MAF: variants seen among roughly 807,000 people sequenced by gnomAD.
MAF encodes the protein MAF bZIP transcription factor, also known as transcription factor Maf.
Under a neutral mutation model 22.0 loss-of-function variants are expected in MAF, and 10 were observed. The ratio of observed to expected loss-of-function variants is 0.45; its 90% CI spans 0.28 to 0.77. The LOEUF (loss-of-function observed/expected upper bound fraction) is 0.77, where lower values mean the gene tolerates loss of function less well. Among genes scored for constraint, MAF ranks in the 30% least tolerant of loss-of-function variants. The pLI, the probability that MAF is intolerant of heterozygous loss-of-function variation, is 0.12. For missense variants in MAF, 544 were observed against 548.4 expected (o/e 0.99, Z 0.08); for synonymous variants, 337 against 255.8 (o/e 1.32, Z -3.03).
chr16:79,421,204 G>A, the MAF span, among the ~76,000 whole-genome samples: 1 of 152,120 alleles, frequency 6.6e-6, no homozygotes, highest in African/African-American at 2.4e-5. Flanking sequence ...GTTTGTTATT[G>A]TCCGCAGTTT....
At chr16:79,542,391 G>A in the MAF span, among the ~76,000 whole-genome samples, 3 of 152,152 alleles carry the variant, frequency 2.0e-5, no homozygotes, top group African/African-American at 2.4e-5. Flanking sequence ...AGTGCCTGTT[G>A]GATTAGATAG....
At chr16:79,323,285 G>A in the MAF span, among the ~76,000 whole-genome samples, 1 of 151,574 alleles carries the variant, frequency 6.6e-6, no homozygotes, top group African/African-American at 2.4e-5. Flanking sequence ...AGGCTGCAGG[G>A]AGCCCAGTTA....
chr16:79,370,183 G>T, the MAF span, among the ~76,000 whole-genome samples: 1 of 152,194 alleles, frequency 6.6e-6, no homozygotes, highest in African/African-American at 2.4e-5. Context: ...AAAAGGAGTA[G>T]TCTTAATAAT....
chr16:79,471,347 A>G, the MAF span, among the ~76,000 whole-genome samples: 2 of 152,166 alleles, frequency 1.3e-5, no homozygotes, highest in African/African-American at 4.8e-5. Context: ...ATTTTTTCAC[A>G]CTTTCCAGAT....
At chr16:79,592,131 C>G (rs758076133), downstream of MAF, among the ~76,000 whole-genome samples, 8 of 152,212 alleles carry the variant, frequency 5.3e-5, no homozygotes, top group Non-Finnish European at 8.8e-5. Context: ...TTTCTCACCT[C>G]CTACAAATGG....
At chr16:79,525,765 A>G in the MAF span, among the ~76,000 whole-genome samples, 1 of 152,192 alleles carries the variant, frequency 6.6e-6, no homozygotes, top group Non-Finnish European at 1.5e-5. Flanking sequence ...AGGAAAATTT[A>G]ACGTATTTCT....
At chr16:79,353,791 C>T in the MAF span, among the ~76,000 whole-genome samples, 3 of 152,116 alleles carry the variant, frequency 2.0e-5, 1 homozygote, top group Admixed American at 2.0e-4. Context: ...TCCTCACTCC[C>T]TGAAGGAAAA....
the MAF span, among the ~76,000 whole-genome samples, chr16:79,515,033 A>C: frequency 6.6e-6 from 1 of 152,198 alleles, no homozygotes; most frequent in Non-Finnish European, 1.5e-5. Flanking sequence ...CAAAGACTTC[A>C]TCTCTTCAAA....
the MAF span, among the ~76,000 whole-genome samples, chr16:79,382,480 G>A: frequency 2.6e-4 from 40 of 152,160 alleles, no homozygotes; most frequent in Admixed American, 2.0e-4. Flanking sequence ...CTGCAACTGA[G>A]GAACTAAATT....
chr16:79,551,889 C>T, the MAF span, among the ~76,000 whole-genome samples: 2 of 152,012 alleles, frequency 1.3e-5, no homozygotes, highest in African/African-American at 4.8e-5. Flanking sequence ...CTCTCTGGCC[C>T]TCTATGGAAA....
the MAF span, among the ~76,000 whole-genome samples, chr16:79,427,351 G>C: frequency 6.6e-6 from 1 of 152,206 alleles, no homozygotes; most frequent in Non-Finnish European, 1.5e-5. Context: ...ATCCTGGGGT[G>C]CCCCAAACAT....
At chr16:79,309,660 A>G in the MAF span, among the ~76,000 whole-genome samples, 4,645 of 152,296 alleles carry the variant, frequency 0.03, 253 homozygotes, top group African/African-American at 0.11. Context: ...GTCCCCATCC[A>G]CAGAGGGAAC....
At chr16:79,332,820 C>T in the MAF span, among the ~76,000 whole-genome samples, 1 of 152,210 alleles carries the variant, frequency 6.6e-6, no homozygotes, top group African/African-American at 2.4e-5. Context: ...AAGCCTGTCT[C>T]CAAAGCCAGC....
At chr16:79,381,739 C>A in the MAF span, among the ~76,000 whole-genome samples, 1 of 152,172 alleles carries the variant, frequency 6.6e-6, no homozygotes, top group African/African-American at 2.4e-5. Flanking sequence ...TATTTCTCAA[C>A]AGCTTGGAAG....
At chr16:79,563,417 T>C in the MAF span, among the ~76,000 whole-genome samples, 2 of 152,160 alleles carry the variant, frequency 1.3e-5, no homozygotes, top group Admixed American at 6.5e-5. Context: ...TACATCTTTA[T>C]TGTTGTGGTC....
chr16:79,418,993 T>C, the MAF span, among the ~76,000 whole-genome samples: 1 of 152,244 alleles, frequency 6.6e-6, no homozygotes, highest in Admixed American at 6.5e-5. Context: ...GGAGCTATTT[T>C]GTGGTATGTT....
At chr16:79,334,543 G>C in the MAF span, among the ~76,000 whole-genome samples, 3 of 152,110 alleles carry the variant, frequency 2.0e-5, no homozygotes, top group Non-Finnish European at 2.9e-5. Flanking sequence ...TTGATCTTAG[G>C]ATTGTATGAT....
At chr16:79,503,586 G>T in the MAF span, among the ~76,000 whole-genome samples, 1 of 152,104 alleles carries the variant, frequency 6.6e-6, no homozygotes, top group South Asian at 2.1e-4. Context: ...ATTTCATTGT[G>T]GCTGGATTCT....
chr16:79,498,330 G>T, the MAF span, among the ~76,000 whole-genome samples: 1 of 152,158 alleles, frequency 6.6e-6, no homozygotes, highest in Non-Finnish European at 1.5e-5. Flanking sequence ...GAGTGGGTAT[G>T]GCTGGTTCCA....
Sources: allele counts gnomAD v4.1 joint callset (sites outside exome capture counted in the v4.1 genomes callset), GRCh38; gene constraint gnomAD v4.1.1; transcripts MANE v1.5; gene names NCBI Gene and HGNC (gene_info 2026-07-23, HGNC 2026-07-21).